Variants in MRPL27 observed in about 807,000 individuals in gnomAD.
The protein encoded by MRPL27 is large ribosomal subunit protein bL27m.
MRPL27 carries 4 observed loss-of-function variants against 14.6 expected under a neutral mutation model. The ratio of observed to expected loss-of-function variants is 0.27; its 90% confidence interval spans 0.14 to 0.63. The LOEUF (loss-of-function observed/expected upper bound fraction) is 0.63, where lower values mean the gene tolerates loss of function less well. MRPL27 is among the 20% of genes least tolerant of loss of function. The pLI is 0.85. For missense variants in MRPL27, 196 were observed against 192.8 expected (o/e 1.02, Z -0.10); for synonymous variants, 82 against 75.5 (o/e 1.09, Z -0.45).
intron 1 of MRPL27, chr17:50,370,827 T>C (rs1456409596): frequency 4.4e-6 from 2 of 452,450 alleles, no homozygotes; most frequent in East Asian, 4.5e-5. Flanking sequence ...TCATGTGTTC[T>C]GGGTTCTGAC....
At chr17:50,369,271 T>C in intron 3 of MRPL27, 1 of 177,746 alleles carries the variant, frequency 5.6e-6, no homozygotes. Context: ...ATCTAATGTC[T>C]TAAGTTCTAA....
chr17:50,370,383 G>C (rs1326982970), intron 2 of MRPL27, 72 bp downstream of exon 2: 9 of 1,604,150 alleles, frequency 5.6e-6, no homozygotes, highest in Non-Finnish European at 7.7e-6. Flanking sequence ...GCACACGCAG[G>C]GTTCTTCTGC....
At chr17:50,370,428 G>C in intron 2 of MRPL27, 27 bp downstream of exon 2, 2 of 1,613,926 alleles carry the variant, frequency 1.2e-6, no homozygotes, top group Non-Finnish European at 1.7e-6. Flanking sequence ...GTGCAGCTAG[G>C]AAGGGGAAGC....
rs1913025421 is a variant in MRPL27 at position 50,368,338 on chromosome 17, C to CTGGTCAGT, written c.241-41_241-40insACTGACCA. ...CCTGGTCAGCTGGTCAGCTGGTCAGCGAGGTGGTCCGTCCCAGAATTTTGG... is the reference window on the plus strand; with the variant it reads ...CCTGGTCAGCTGGTCAGCTGGTCAGCTGGTCAGTGAGGTGGTCCGTCCCAGAATTTTGG... On this transcript the variant is annotated intron_variant, in intron 3 of 3. Coordinates refer to ENST00000225969, the MANE Select transcript of MRPL27 (RefSeq NM_016504.3). 6 of 1,533,596 alleles carry CTGGTCAGT rather than the reference C, an allele frequency of 3.9e-6. 1 individual carries two copies. The highest frequency in any genetic ancestry group is 1.7e-4 in the Middle Eastern group (1 of 5,856). The allele number at this position is 1,533,596 out of a possible 1,614,324, so 95.0% of individuals were successfully genotyped here.
rs796190278 is a variant in MRPL27, at chr17:50,368,369, A to G, written c.241-71T>C. On this transcript the variant is annotated intron_variant, in intron 3 of 3. Transcript: ENST00000225969. ...GGTCCGTCCCAGAATTTTGGGACAG[A>G]CTTCTCACACAGAGCCGGGCCCTGG... is the stretch of plus-strand genomic sequence containing the variant. 17 of 1,501,022 alleles carry G rather than the reference A, an allele frequency of 1.1e-5. No homozygotes were observed. The African/African-American group carries it at 2.3e-4, about 21-fold the overall frequency. 93.0% of individuals were successfully genotyped at this position (1,501,022 alleles called of 1,614,324 possible). A position where few individuals can be genotyped will look rare whatever the true frequency, so the allele number is the denominator to read the frequency against.
intron 1 of MRPL27, 164 bp downstream of exon 1, chr17:50,372,965 ATG>A: frequency 2.2e-6 from 2 of 906,710 alleles, no homozygotes; most frequent in African/African-American, 1.7e-5. Flanking sequence ...TCCACCCAGG[ATG>A]TGTCACGTGA....
chr17:50,370,273 T>C, intron 2 of MRPL27, 174 bp from the exon 3 acceptor site: 1 of 1,156,996 alleles, frequency 8.6e-7, no homozygotes, highest in Non-Finnish European at 1.2e-6. Context: ...TCTAATTGCA[T>C]GGTTATGGCT....
At chr17:50,370,199 CA>C (rs2143276215) in intron 2 of MRPL27, 100 bp from the exon 3 acceptor site, 4 of 1,296,066 alleles carry the variant, frequency 3.1e-6, no homozygotes, top group South Asian at 1.4e-5. Context: ...TGCCCCTGGC[CA>C]AAAACAACTC....
rs1172757374 is a variant in MRPL27 at position 50,373,125 on chromosome 17, C to T, written c.40+6G>A. On this transcript the variant is annotated splice_donor_region_variant and intron_variant, in intron 1 of 3. Coordinates refer to ENST00000225969, the MANE Select transcript of MRPL27 (RefSeq NM_016504.3). ...TCACCCCGCTCTGACTACTGCGTCC[C>T]ATTACCGGCTGTCCGGGTCCTCAGC... The T allele has an allele frequency of 6.2e-7, 1 of 1,614,162 alleles. No individual in the cohort carries two copies. The highest frequency in any genetic ancestry group is 8.5e-7 in the Non-Finnish European group (1 of 1,180,036).
At chr17:50,371,664 G>A (rs1913149385) in intron 1 of MRPL27, among the ~76,000 whole-genome samples, 1 of 152,162 alleles carries the variant, frequency 6.6e-6, no homozygotes. Context: ...AGTTCCTGAA[G>A]CCTGGGTTTC....
rs1567811643 is a variant in MRPL27 at position 50,368,257 on chromosome 17, C to T, written c.282G>A (p.Glu94=). 6.2e-7 allele frequency: 1 copy of T among 1,614,198 alleles called. No homozygotes were observed. Among genetic ancestry groups the T allele is most frequent in the East Asian group, 2.2e-5 (1 of 44,882 alleles). ...GKNKCLYALE[E]GIVRYTKEVY... is the part of the protein sequence containing the mutation. ...CCTCCTTAGTGTAGCGGACTATCCCCTCTTCCAGGGCATACAGACATTTAT... is the reference window on the plus strand; with the variant it reads ...CCTCCTTAGTGTAGCGGACTATCCCTTCTTCCAGGGCATACAGACATTTAT... The change falls in exon 4 of 4, where the codon GAG becomes GAA. Residue 94 remains glutamate, a synonymous_variant. Transcript: ENST00000225969.
intron 3 of MRPL27, chr17:50,369,621 A>G (rs1013554021): frequency 4.7e-6 from 1 of 212,476 alleles, no homozygotes; most frequent in Non-Finnish European, 9.3e-6. Flanking sequence ...TATACAAAGG[A>G]AGAAGTCTTA....
At chr17:50,370,007 G>C in intron 3 of MRPL27, 25 bp downstream of exon 3, 1 of 1,612,918 alleles carries the variant, frequency 6.2e-7, no homozygotes, top group Non-Finnish European at 8.5e-7. Flanking sequence ...AAAGGAAAAA[G>C]GGGGGCAGCA....
chr17:50,368,269 A>G lies in MRPL27; in HGVS notation c.270T>C (p.Tyr90=). The G allele has an allele frequency of 6.2e-7, 1 of 1,614,014 alleles. No individual in the cohort carries two copies. The highest frequency in any genetic ancestry group is 8.5e-7 in the Non-Finnish European group (1 of 1,179,998). ...AGCGGACTATCCCCTCTTCCAGGGC[A>G]TACAGACATTTATTCTTCCCAACAC... ...HVGVGKNKCL[Y]ALEEGIVRYT... Residue 90 remains tyrosine, a synonymous_variant, in exon 4 of 4, where the codon TAT becomes TAC. Coordinates refer to ENST00000225969, the MANE Select transcript of MRPL27 (RefSeq NM_016504.3).
chr17:50,368,422 T>C (rs982809483), intron 3 of MRPL27, 124 bp from the exon 4 acceptor site: 5 of 968,214 alleles, frequency 5.2e-6, no homozygotes, highest in African/African-American at 4.9e-5. Context: ...GAGAGCTCCA[T>C]CTCAGGTTCC....
At chr17:50,368,847 G>C (rs1267386238) in intron 3 of MRPL27, 1 of 702,452 alleles carries the variant, frequency 1.4e-6, no homozygotes, top group Admixed American at 2.0e-5. Context: ...CCTAGTGAAA[G>C]AGGTATTATT....
intron 1 of MRPL27, among the ~76,000 whole-genome samples, chr17:50,371,564 G>T (rs11870231): frequency 0.18 from 27,936 of 152,154 alleles, 3,089 homozygotes; most frequent in Non-Finnish European, 0.24. Flanking sequence ...GCAACTCCTT[G>T]CCTGCAGGTC....
intron 1 of MRPL27, among the ~76,000 whole-genome samples, chr17:50,371,879 C>T (rs969340205): frequency 6.6e-6 from 1 of 152,226 alleles, no homozygotes; most frequent in African/African-American, 2.4e-5. Context: ...CTTCACCCTA[C>T]TCCCCATCCT....
At position 50,368,159 on chromosome 17, in the gene MRPL27, T is replaced by G. The variant is rs1245821022; in HGVS notation, c.380A>C (p.Tyr127Ser). ...ITRLPKGAVL[Y>S]KTFVHVVPAK... Reference sequence around the variant, plus strand: ...AGGAACCACGTGGACAAAAGTCTTGTAGAGCACAGCACCCTTGGGCAGCCT... The same window carrying G: ...AGGAACCACGTGGACAAAAGTCTTGGAGAGCACAGCACCCTTGGGCAGCCT... Residue 127 changes from tyrosine to serine, a missense_variant, in exon 4 of 4, where the codon TAC becomes TCC. Coordinates refer to ENST00000225969, the MANE Select transcript of MRPL27 (RefSeq NM_016504.3). The G allele has an allele frequency of 6.2e-7, 1 of 1,614,092 alleles. No individual in the cohort carries two copies. Among genetic ancestry groups the G allele is most frequent in the African/African-American group, 1.3e-5 (1 of 74,924 alleles).
Sources: allele counts gnomAD v4.1 joint callset (sites outside exome capture counted in the v4.1 genomes callset), GRCh38; gene constraint gnomAD v4.1.1; transcripts MANE v1.5; gene names NCBI Gene and HGNC (gene_info 2026-07-23, HGNC 2026-07-21).